Variants in ST7 observed in about 807,000 individuals in gnomAD.
ST7 encodes the protein suppression of tumorigenicity 7.
A neutral mutation model predicts 78.7 loss-of-function variants in ST7; 28 were observed. The ratio of observed to expected loss-of-function variants is 0.36; its 90% CI spans 0.26 to 0.49. ST7 has a LOEUF of 0.49. Ranked by LOEUF, ST7 falls within the 20% of genes least tolerant of loss-of-function variation. ST7 has a pLI of 0.99. For synonymous variants in ST7, 247 were observed against 249.6 expected, an observed-to-expected ratio of 0.99 and a Z score of 0.10; for missense variants, 418 against 696.0, an observed-to-expected ratio of 0.60 and a Z score of 4.49.
chr7:117,016,259 G>A lies in ST7; in HGVS notation c.151+62568G>A, dbSNP rs1018472766. On this transcript the variant is annotated intron_variant, in intron 1 of 15. Transcript: ENST00000323984. ...AGCATGCCAGAATTTTTGTTCCAGGGCTCTGAAATAAAATGCACCCACCTT... is the reference window on the plus strand; with the variant it reads ...AGCATGCCAGAATTTTTGTTCCAGGACTCTGAAATAAAATGCACCCACCTT... Among the ~76,000 whole-genome samples, 5 of 152,138 alleles carry A rather than the reference G, an allele frequency of 3.3e-5. No homozygotes were observed. In the South Asian group the frequency reaches 1.0e-3, roughly 32 times the overall value.
intron 1 of ST7, among the ~76,000 whole-genome samples, chr7:116,966,637 A>G (rs1489378560): frequency 6.6e-6 from 1 of 152,180 alleles, no homozygotes; most frequent in Non-Finnish European, 1.5e-5. Context: ...TCTTTTTAGT[A>G]TTGACTAGTC....
chr7:117,032,604 C>CT (rs1366966385), intron 1 of ST7, among the ~76,000 whole-genome samples: 2 of 152,046 alleles, frequency 1.3e-5, no homozygotes, highest in Non-Finnish European at 2.9e-5. Flanking sequence ...TTTTTAAGAA[C>CT]TTTTTCTAAT....
chr7:117,060,758 C>A (rs1258088285), intron 1 of ST7, among the ~76,000 whole-genome samples: 1 of 152,110 alleles, frequency 6.6e-6, no homozygotes, highest in East Asian at 1.9e-4. Context: ...GTAATCCTAG[C>A]ACTTTGGGAG....
At chr7:116,977,796 T>A (rs1169071299) in intron 1 of ST7, among the ~76,000 whole-genome samples, 2 of 152,302 alleles carry the variant, frequency 1.3e-5, no homozygotes, top group East Asian at 3.9e-4. Context: ...TCATGATTCG[T>A]CCGGCCTTGG....
chr7:117,130,880 T>C (rs1804291055), intron 5 of ST7, among the ~76,000 whole-genome samples: 1 of 151,918 alleles, frequency 6.6e-6, no homozygotes, highest in South Asian at 2.1e-4. Flanking sequence ...ATGAATCTTA[T>C]ATGAAGCTAA....
At chr7:117,090,371 T>C (rs1584626366) in intron 1 of ST7, among the ~76,000 whole-genome samples, 2 of 152,342 alleles carry the variant, frequency 1.3e-5, no homozygotes, top group South Asian at 2.1e-4. Context: ...ATGGTTGTTA[T>C]AACTTTCCTA....
chr7:117,053,618 C>T (rs1323587451), intron 1 of ST7, among the ~76,000 whole-genome samples: 2 of 152,230 alleles, frequency 1.3e-5, no homozygotes, highest in East Asian at 3.8e-4. Flanking sequence ...AGCAGGCCAC[C>T]TCCTTCTGGC....
intron 12 of ST7, chr7:117,198,406 T>C (rs927612395): frequency 9.3e-6 from 4 of 428,970 alleles, no homozygotes; most frequent in African/African-American, 8.2e-5. Flanking sequence ...AACCAGAGAG[T>C]ATAACAGTGG....
chr7:116,980,725 C>G (rs1044661328), intron 1 of ST7, among the ~76,000 whole-genome samples: 1 of 152,136 alleles, frequency 6.6e-6, no homozygotes, highest in Non-Finnish European at 1.5e-5. Flanking sequence ...TCTTCCAGAA[C>G]CATTAGATGC....
intron 1 of ST7, among the ~76,000 whole-genome samples, chr7:117,032,133 C>T (rs984016062): frequency 4.0e-5 from 6 of 151,774 alleles, no homozygotes; most frequent in African/African-American, 1.2e-4. Context: ...CTGCCCTCCT[C>T]GGCCTCCCAA....
intron 3 of ST7, among the ~76,000 whole-genome samples, chr7:117,129,224 ATTTCTT>A (rs1250441525): frequency 2.0e-5 from 3 of 151,790 alleles, no homozygotes; most frequent in Admixed American, 1.3e-4. Context: ...CTTTGAGACA[ATTTCTT>A]TTAATTGCAT....
intron 1 of ST7, among the ~76,000 whole-genome samples, chr7:117,017,292 G>A (rs1473645775): frequency 6.6e-6 from 1 of 152,160 alleles, no homozygotes; most frequent in African/African-American, 2.4e-5. Context: ...ATAGGGGAGG[G>A]ACTCTGTTCA....
At chr7:117,155,183 C>G (rs985238969) in intron 9 of ST7, among the ~76,000 whole-genome samples, 1 of 152,074 alleles carries the variant, frequency 6.6e-6, no homozygotes, top group African/African-American at 2.4e-5. Context: ...GAGAGGGAGC[C>G]AGCCACATGA....
chr7:117,019,386 C>G (rs1411606134), intron 1 of ST7, among the ~76,000 whole-genome samples: 1 of 151,870 alleles, frequency 6.6e-6, no homozygotes, highest in Non-Finnish European at 1.5e-5. Context: ...ATTTTTTGTT[C>G]CAGTGAGTCA....
Position 116,969,202 on chromosome 7 carries a change from T to G in ST7, c.151+15511T>G, listed in dbSNP as rs1221967540. On this transcript the variant is annotated intron_variant, in intron 1 of 15. Coordinates refer to ENST00000323984, the MANE Select transcript of ST7 (RefSeq NM_001369598.1). The stretch of plus-strand genomic sequence containing the variant: ...AGTATCATATCTCCCTACAATCCTC[T>G]TGCATGTGGCAGTTTTTCAGACTTT... Among the ~76,000 whole-genome samples the G allele has an allele frequency of 2.0e-5, 3 of 152,242 alleles. No individual in the cohort carries two copies. The East Asian group carries it at 5.8e-4, about 29-fold the overall frequency.
At chr7:117,076,923 G>A (rs1210721694) in intron 1 of ST7, among the ~76,000 whole-genome samples, 1 of 152,206 alleles carries the variant, frequency 6.6e-6, no homozygotes, top group African/African-American at 2.4e-5. Context: ...CATGGCTCCT[G>A]AGCTCTTGTC....
chr7:117,065,245 A>G (rs1432430887), intron 1 of ST7, among the ~76,000 whole-genome samples: 1 of 126,780 alleles, frequency 7.9e-6, no homozygotes, highest in African/African-American at 3.1e-5. Flanking sequence ...GTCTGGCACT[A>G]TCGCCTAGGC....
intron 9 of ST7, among the ~76,000 whole-genome samples, chr7:117,169,044 C>A (rs986338118): frequency 1.3e-5 from 2 of 151,650 alleles, no homozygotes; most frequent in Admixed American, 6.6e-5. Flanking sequence ...ACCTGGTTAC[C>A]TTTCTTTTAA....
intron 1 of ST7, among the ~76,000 whole-genome samples, chr7:117,076,911 T>G (rs1799385492): frequency 6.6e-6 from 1 of 152,214 alleles, no homozygotes; most frequent in South Asian, 2.1e-4. Flanking sequence ...TGTATCTGCA[T>G]TCATGGCTCC....
Sources: allele counts gnomAD v4.1 joint callset (sites outside exome capture counted in the v4.1 genomes callset), GRCh38; gene constraint gnomAD v4.1.1; transcripts MANE v1.5; gene names NCBI Gene and HGNC (gene_info 2026-07-23, HGNC 2026-07-21).